Variants in LPCAT1 observed in about 807,000 individuals in gnomAD.
The protein encoded by LPCAT1 is 1-acylglycerol-3-phosphate O-acyltransferase.
A neutral mutation model predicts 60.9 loss-of-function variants in LPCAT1; 23 were observed. The observed-to-expected ratio is 0.38, with a 90% CI of 0.27 to 0.53. The LOEUF (loss-of-function observed/expected upper bound fraction) is 0.53, where lower values mean the gene tolerates loss of function less well. Ranked by LOEUF, LPCAT1 falls within the 20% of genes least tolerant of loss-of-function variation. The probability of loss-of-function intolerance (pLI) is 0.82; values close to 1 mark genes in which losing one functional copy is unlikely to be tolerated. For synonymous variants in LPCAT1, 340 were observed against 301.1 expected, an observed-to-expected ratio of 1.13 and a Z score of -1.34; for missense variants, 622 against 723.6, an observed-to-expected ratio of 0.86 and a Z score of 1.61.
In LPCAT1 at chr5:1,487,540, G is replaced by T. The variant is rs1356367647; in HGVS notation, c.667+851C>A. Among the ~76,000 whole-genome samples, 1 of 152,160 alleles carries T rather than the reference G, an allele frequency of 6.6e-6. No individual in the cohort carries two copies. Reference sequence around the variant, plus strand: ...GGAAACCCCGGCGGCACACGTAGGTGAGTGACTGCACACTTTCTCGACCCA... The same window carrying T: ...GGAAACCCCGGCGGCACACGTAGGTTAGTGACTGCACACTTTCTCGACCCA... On this transcript the variant is annotated intron_variant, in intron 5 of 13. Coordinates refer to ENST00000283415, the MANE Select transcript of LPCAT1 (RefSeq NM_024830.5). The surrounding 1 kb of genome is among the most constrained non-coding windows in gnomAD (Gnocchi z 6.1).
intron 6 of LPCAT1, among the ~76,000 whole-genome samples, chr5:1,482,983 G>A (rs1001405547): frequency 2.0e-5 from 3 of 152,174 alleles, no homozygotes; most frequent in Non-Finnish European, 2.9e-5. Context: ...AGCTGCCTCC[G>A]CCTTCCAGAA....
chr5:1,492,376 C>T (rs1040598906), intron 3 of LPCAT1, among the ~76,000 whole-genome samples: 2 of 152,078 alleles, frequency 1.3e-5, no homozygotes, highest in Non-Finnish European at 2.9e-5. Flanking sequence ...TGGTTTTGAG[C>T]TGGAGCCTGG....
At chr5:1,472,206 A>G (rs1355493872) in intron 11 of LPCAT1, among the ~76,000 whole-genome samples, 2 of 149,470 alleles carry the variant, frequency 1.3e-5, no homozygotes, top group Non-Finnish European at 3.0e-5. Context: ...CGAGGTGAGG[A>G]GCACCCAGGG....
At chr5:1,520,726 T>G (rs1381437363) in intron 1 of LPCAT1, among the ~76,000 whole-genome samples, 6 of 150,856 alleles carry the variant, frequency 4.0e-5, no homozygotes, top group African/African-American at 9.7e-5. Context: ...AGCCGGGCAT[T>G]GTGGCGGGCG....
Position 1,463,805 on chromosome 5 carries a change from G to A in LPCAT1, c.1451C>T (p.Pro484Leu). ...ADFHRFAEMYPAFAEEYLYPD... is the reference protein window; with the variant it reads ...ADFHRFAEMYLAFAEEYLYPD... ...GTACAGGTATTCCTCTGCGAAGGCAGGGTACATTTCTGCAAACCTGTGGAA... is the reference window on the plus strand; with the variant it reads ...GTACAGGTATTCCTCTGCGAAGGCAAGGTACATTTCTGCAAACCTGTGGAA... The change falls in exon 14 of 14, where the codon CCT (proline) becomes CTT (leucine). Residue 484 changes from proline (P) to leucine (L), a missense_variant. Pro to Leu is a moderately conservative substitution (Grantham distance 98, BLOSUM62 -3). Coordinates refer to ENST00000283415, the MANE Select transcript of LPCAT1 (RefSeq NM_024830.5). 6.2e-7 allele frequency: 1 copy of A among 1,614,228 alleles called. No individual in the cohort carries two copies. Among genetic ancestry groups the A allele is most frequent in the Non-Finnish European group, 8.5e-7 (1 of 1,180,036 alleles).
At chr5:1,519,912 G>T (rs188539619) in intron 1 of LPCAT1, among the ~76,000 whole-genome samples, 16 of 152,142 alleles carry the variant, frequency 1.1e-4, no homozygotes, top group Non-Finnish European at 1.8e-4. Context: ...CCTCCACAGG[G>T]TGTGGCTGCC....
intron 2 of LPCAT1, among the ~76,000 whole-genome samples, chr5:1,497,303 C>T (rs1286418382): frequency 1.3e-5 from 2 of 152,270 alleles, no homozygotes; most frequent in African/African-American, 4.8e-5. Flanking sequence ...GCCGCTGAGG[C>T]CTGCATCTCC....
In LPCAT1 at chr5:1,480,292, C is replaced by G. The variant is rs1205935648; in HGVS notation, c.762-617G>C. ...CCTCCACACGCCAGCCTGGGAAGCG[C>G]TGACCTCAACACCTTCACCTGAAAG... On this transcript the variant is annotated intron_variant, in intron 7 of 13. Transcript: ENST00000283415. This position sits in a 1 kb window ranked among gnomAD's most constrained non-coding sequence, Gnocchi z 6.4. The G allele has an allele frequency of 1.0e-6, 1 of 983,260 alleles. No individual in the cohort carries two copies. The allele number at this position is 983,260 out of a possible 1,614,324, so 60.9% of individuals were successfully genotyped here.
Sources: allele counts gnomAD v4.1 joint callset (sites outside exome capture counted in the v4.1 genomes callset), GRCh38; gene constraint gnomAD v4.1.1; non-coding constraint Gnocchi (gnomAD v3.1); transcripts MANE v1.5; gene names NCBI Gene and HGNC (gene_info 2026-07-23, HGNC 2026-07-21).